WNK3: variants seen among roughly 807,000 people sequenced by gnomAD.
WNK3 encodes the protein serine/threonine-protein kinase WNK3.
A neutral mutation model predicts 116.7 loss-of-function variants in WNK3; 18 were observed. The observed-to-expected ratio is 0.15, with a 90% CI of 0.11 to 0.23. The LOEUF (loss-of-function observed/expected upper bound fraction) is 0.23. WNK3 is among the 10% of genes least tolerant of loss of function. WNK3 has a pLI of 1.00. For synonymous variants in WNK3, 404 were observed against 469.4 expected, an observed-to-expected ratio of 0.86 and a Z score of 1.80; for missense variants, 993 against 1,323.8, an observed-to-expected ratio of 0.75 and a Z score of 3.88.
At chrX:54,218,294 C>T (rs372026008) in intron 22 of WNK3, among the ~76,000 whole-genome samples, 5 of 110,596 alleles carry the variant, frequency 4.5e-5, no homozygotes, top group Non-Finnish European at 9.4e-5. Context: ...AACTGATCTC[C>T]GCATATACCA....
chrX:54,262,506 C>T (rs1327406099), intron 10 of WNK3, among the ~76,000 whole-genome samples: 3 of 111,411 alleles, frequency 2.7e-5, no homozygotes, highest in Non-Finnish European at 5.6e-5. Context: ...ATTTTTATGG[C>T]ACAGTTTTTC....
chrX:54,245,149 T>C (rs1316030669), intron 17 of WNK3, among the ~76,000 whole-genome samples: 1 of 96,525 alleles, frequency 1.0e-5, no homozygotes, highest in Non-Finnish European at 2.1e-5. Context: ...TATATGCGTG[T>C]GTGTGTGTGT....
At chrX:54,239,156 A>G in intron 17 of WNK3, 57 bp from the exon 18 acceptor site, 1 of 827,756 alleles carries the variant, frequency 1.2e-6, no homozygotes, top group Admixed American at 4.1e-5. Flanking sequence ...AAAACAAAAC[A>G]ACCGAGAAAA....
intron 1 of WNK3, among the ~76,000 whole-genome samples, chrX:54,346,015 C>T (rs1324303634): frequency 1.9e-5 from 2 of 107,974 alleles, no homozygotes; most frequent in East Asian, 5.7e-4. Context: ...TATATAATTA[C>T]AAAAACTTTC....
At chrX:54,330,594 G>A (rs1369574765) in intron 2 of WNK3, among the ~76,000 whole-genome samples, 2 of 110,598 alleles carry the variant, frequency 1.8e-5, no homozygotes, top group Non-Finnish European at 3.8e-5. Context: ...CAACAATATG[G>A]GACTGCTTAA....
At chrX:54,289,617 C>T (rs781968009) in intron 10 of WNK3, among the ~76,000 whole-genome samples, 1 of 111,084 alleles carries the variant, frequency 9.0e-6, no homozygotes, top group South Asian at 3.9e-4. Context: ...AAACAATACT[C>T]CTTGCACAGT....
At chrX:54,203,349 A>G (rs1378432311) in intron 22 of WNK3, among the ~76,000 whole-genome samples, 2 of 112,267 alleles carry the variant, frequency 1.8e-5, no homozygotes, top group Middle Eastern at 4.6e-3. Flanking sequence ...ATTATAAGCC[A>G]AAAACTTACA....
chrX:54,312,500 C>T (rs1408589932), intron 2 of WNK3, among the ~76,000 whole-genome samples: 19 of 110,021 alleles, frequency 1.7e-4, no homozygotes, highest in Admixed American at 2.9e-4. Context: ...TGCAGTGGTG[C>T]GATCTCAGCT....
At chrX:54,346,248 T>C (rs1557177575) in intron 1 of WNK3, among the ~76,000 whole-genome samples, 1 of 93,802 alleles carries the variant, frequency 1.1e-5, no homozygotes, top group African/African-American at 4.0e-5. Flanking sequence ...TGTGAACTTA[T>C]TATTTTGGAA....
At chrX:54,350,960 A>C (rs1318590721) in intron 1 of WNK3, among the ~76,000 whole-genome samples, 1 of 111,190 alleles carries the variant, frequency 9.0e-6, no homozygotes, top group Non-Finnish European at 1.9e-5. Flanking sequence ...AGTAAGTTGT[A>C]GTACAACATG....
chrX:54,317,973 G>C (rs1557171393), intron 2 of WNK3, among the ~76,000 whole-genome samples: 1 of 109,933 alleles, frequency 9.1e-6, no homozygotes, highest in Admixed American at 9.8e-5. Context: ...GTTTCTATTT[G>C]GAATGATAAA....
At chrX:54,330,513 C>A (rs782592393) in intron 2 of WNK3, among the ~76,000 whole-genome samples, 1 of 111,395 alleles carries the variant, frequency 9.0e-6, no homozygotes. Context: ...GCCAAGACAG[C>A]GCCACTGCAT....
At chrX:54,234,459 C>T (rs949095963) in intron 20 of WNK3, among the ~76,000 whole-genome samples, 3 of 111,439 alleles carry the variant, frequency 2.7e-5, no homozygotes, top group Non-Finnish European at 5.7e-5. Context: ...TATTCATAAC[C>T]ACCCAGTTAC....
chrX:54,275,523 A>T (rs1484055573), intron 10 of WNK3, among the ~76,000 whole-genome samples: 1 of 106,339 alleles, frequency 9.4e-6, no homozygotes, highest in Non-Finnish European at 1.9e-5. Context: ...TAATATACTC[A>T]AAACAGTATA....
chrX:54,248,997 T>C, exon 17 of WNK3: 1 of 1,211,937 alleles, frequency 8.3e-7, no homozygotes, highest in Middle Eastern at 2.3e-4. Flanking sequence ...GCAAGTTTCT[T>C]AATTTTTCAT....
At chrX:54,215,955 G>T (rs1252438844) in intron 22 of WNK3, among the ~76,000 whole-genome samples, 22 of 111,392 alleles carry the variant, frequency 2.0e-4, no homozygotes, top group Non-Finnish European at 4.0e-4. Flanking sequence ...TCTGCCTTGG[G>T]ATGCTGTTAA....
intron 22 of WNK3, among the ~76,000 whole-genome samples, chrX:54,212,485 T>C (rs984653604): frequency 8.9e-6 from 1 of 112,398 alleles, no homozygotes; most frequent in Admixed American, 9.5e-5. Flanking sequence ...TCTAATCATA[T>C]TGAAAATGTA....
intron 2 of WNK3, among the ~76,000 whole-genome samples, chrX:54,319,168 G>A (rs1312662531): frequency 2.7e-5 from 3 of 110,065 alleles, no homozygotes. Flanking sequence ...AGAATAATTA[G>A]TAATTCTTTT....
At chrX:54,226,383 T>A (rs1196944121) in intron 22 of WNK3, among the ~76,000 whole-genome samples, 12 of 102,268 alleles carry the variant, frequency 1.2e-4, no homozygotes, top group African/African-American at 4.0e-4. Flanking sequence ...GGCAGGAGAA[T>A]CGCTTGAACC....
Sources: allele counts gnomAD v4.1 joint callset (sites outside exome capture counted in the v4.1 genomes callset), GRCh38; gene constraint gnomAD v4.1.1; transcripts MANE v1.5; gene names NCBI Gene and HGNC (gene_info 2026-07-23, HGNC 2026-07-21).